The following SRPRB variants were observed in gnomAD, a reference collection of about 807,000 sequenced individuals.
The protein encoded by SRPRB is SRP receptor subunit beta.
A neutral mutation model predicts 31.9 loss-of-function variants in SRPRB; 20 were observed. The ratio of observed to expected loss-of-function variants is 0.63; its 90% CI spans 0.44 to 0.91. The LOEUF is 0.91. SRPRB is among the 40% of genes least tolerant of loss of function. SRPRB has a pLI of 0.00. For missense variants in SRPRB, 321 were observed against 324.9 expected (o/e 0.99, Z 0.09); for synonymous variants, 146 against 132.8 (o/e 1.10, Z -0.68).
Position 133,819,959 on chromosome 3 carries a change from G to A in SRPRB, c.*193G>A. The A allele has an allele frequency of 1.8e-6, 1 of 568,286 alleles. No homozygotes were observed. The allele number at this position is 568,286 out of a possible 1,614,324, so 35.2% of individuals were successfully genotyped here. A position where few individuals can be genotyped will look rare whatever the true frequency, so the allele number is the denominator to read the frequency against. On this transcript the variant is annotated 3_prime_UTR_variant, in exon 7 of 7. Transcript: ENST00000678299. The stretch of plus-strand genomic sequence containing the variant: ...TTTTTAAGTTCAGTTCTCCCTTATG[G>A]CTGCCTTTCAAACAAGTACCTTTTA...
intron 1 of SRPRB, among the ~76,000 whole-genome samples, chr3:133,799,135 G>C (rs1300831231): frequency 1.3e-5 from 2 of 152,188 alleles, no homozygotes; most frequent in African/African-American, 4.8e-5. Flanking sequence ...ACTCTAGATT[G>C]GAGAAATCTT....
At chr3:133,810,097 T>C (rs1183024677) in intron 3 of SRPRB, among the ~76,000 whole-genome samples, 1 of 152,246 alleles carries the variant, frequency 6.6e-6, no homozygotes, top group East Asian at 1.9e-4. Flanking sequence ...TGTGGTATAG[T>C]GCTGCTTTTG....
Position 133,806,739 on chromosome 3 carries a change from T to C in SRPRB, c.249+36T>C, listed in dbSNP as rs923944310. ...TCATTGACACCCCTGTTAAGCTTAATAGAAAATTTTATAGATCCCAGTATT... is the reference window on the plus strand; with the variant it reads ...TCATTGACACCCCTGTTAAGCTTAACAGAAAATTTTATAGATCCCAGTATT... On this transcript the variant is annotated intron_variant, in intron 2 of 6. Transcript: ENST00000678299. The C allele has an allele frequency of 6.0e-6, 9 of 1,500,428 alleles. No individual in the cohort carries two copies. In the African/African-American group the frequency reaches 1.1e-4, roughly 18 times the overall value. 92.9% of individuals were successfully genotyped at this position (1,500,428 alleles called of 1,614,324 possible). A position where few individuals can be genotyped will look rare whatever the true frequency, so the allele number is the denominator to read the frequency against.
In SRPRB at chr3:133,805,898, G is replaced by A. The variant is rs747654946; in HGVS notation, c.50G>A (p.Gly17Asp). 6.2e-7 allele frequency: 1 copy of A among 1,613,612 alleles called. No homozygotes were observed. Among genetic ancestry groups the A allele is most frequent in the South Asian group, 1.1e-5 (1 of 91,052 alleles). The change falls in exon 1 of 7, where the codon GGC (glycine) becomes GAC (aspartate). Residue 17 changes from glycine (G) to aspartate (D), a missense_variant. Physicochemically the swap from Gly to Asp is moderately conservative, Grantham distance 94. Transcript: ENST00000678299. ...RRVADGGGAG[G>D]TFQPYLDTLR... The stretch of plus-strand genomic sequence containing the variant: ...GTGGCAGATGGCGGCGGTGCCGGGG[G>A]CACCTTCCAGCCCTACCTAGACACC...
intron 3 of SRPRB, among the ~76,000 whole-genome samples, chr3:133,808,870 A>G (rs572574582): frequency 9.7e-4 from 143 of 147,892 alleles, no homozygotes; most frequent in Admixed American, 1.6e-3. Context: ...AGCCTGGGCA[A>G]TAGAGCGAGA....
chr3:133,806,694 C>T lies in SRPRB; in HGVS notation c.240C>T (p.Leu80=). 6.2e-7 allele frequency: 1 copy of T among 1,613,914 alleles called. No individual in the cohort carries two copies. ...TTTGTGATTCCGGGAAAACGTTGCTCTTTGTCAGGGTAAATGATTTCATTG... is the reference window on the plus strand; with the variant it reads ...TTTGTGATTCCGGGAAAACGTTGCTTTTTGTCAGGGTAAATGATTTCATTG... ...VGLCDSGKTL[L]FVRLLTGLYR... Residue 80 remains leucine (L), a synonymous_variant, in exon 2 of 7, where the codon CTC becomes CTT. Coordinates refer to ENST00000678299, the MANE Select transcript of SRPRB (RefSeq NM_001379313.1).
chr3:133,818,660 A>G (rs894430653), intron 6 of SRPRB, among the ~76,000 whole-genome samples: 1 of 152,210 alleles, frequency 6.6e-6, no homozygotes, highest in Non-Finnish European at 1.5e-5. Flanking sequence ...AAGCTTAAAA[A>G]ATATTAAAAT....
intron 1 of SRPRB, among the ~76,000 whole-genome samples, chr3:133,797,287 T>TA (rs1387702204): frequency 6.6e-6 from 1 of 152,232 alleles, no homozygotes; most frequent in Non-Finnish European, 1.5e-5. Context: ...GTAGAATTGT[T>TA]AAAATCCCCC....
At chr3:133,795,095 A>AC (rs1210901467) in intron 1 of SRPRB, 3 of 152,262 alleles carry the variant, frequency 2.0e-5, no homozygotes, top group South Asian at 2.1e-4. Context: ...ACAGAAGAGT[A>AC]TCTGTGCAGC....
chr3:133,813,829 G>C (rs6809130), intron 4 of SRPRB, among the ~76,000 whole-genome samples: 8,277 of 152,274 alleles, frequency 0.054, 724 homozygotes, highest in African/African-American at 0.19. Context: ...TCCATAAGCG[G>C]TTCATAGTTC....
intron 3 of SRPRB, among the ~76,000 whole-genome samples, chr3:133,809,461 GT>G (rs1399117838): frequency 1.3e-5 from 2 of 151,672 alleles, no homozygotes; most frequent in Admixed American, 1.3e-4. Context: ...AAAGGGACAT[GT>G]TTTTAAATAT....
chr3:133,805,803 C>T (rs749676606), upstream of SRPRB: 4 of 1,572,340 alleles, frequency 2.5e-6, no homozygotes, highest in Non-Finnish European at 3.4e-6. Flanking sequence ...GCGCAGAGTG[C>T]AGGGCCACGT....
intron 1 of SRPRB, chr3:133,796,008 A>C (rs1934960430): frequency 1.3e-5 from 2 of 152,266 alleles, no homozygotes; most frequent in African/African-American, 4.8e-5. Flanking sequence ...AAACACATAG[A>C]TCCTAGAACA....
chr3:133,823,261 G>GTTT (rs979392862), downstream of SRPRB, among the ~76,000 whole-genome samples: 1 of 152,112 alleles, frequency 6.6e-6, no homozygotes, highest in East Asian at 1.9e-4. Context: ...TGTTTCAAGG[G>GTTT]TTTTTTTGTT....
chr3:133,811,318 AGGTGACCTTGG>A (rs1249948635), intron 4 of SRPRB, 119 bp downstream of exon 4: 1 of 1,005,804 alleles, frequency 9.9e-7, no homozygotes, highest in Non-Finnish European at 1.5e-6. Flanking sequence ...GTAGACCTTG[AGGTGACCTTGG>A]GGTCAGCCAG....
In SRPRB at chr3:133,806,436, C is replaced by T. The variant is rs573453076; in HGVS notation, c.155-173C>T. The stretch of plus-strand genomic sequence containing the variant: ...AAAGAAAAGTTGACAGTTGACAGTG[C>T]CTGGCTCTCAGTGGATCCCTAACAA... On this transcript the variant is annotated intron_variant, in intron 1 of 6. Coordinates refer to ENST00000678299, the MANE Select transcript of SRPRB (RefSeq NM_001379313.1). 1.7e-5 allele frequency: 10 copies of T among 580,288 alleles called. No homozygotes were observed. In the Admixed American group the frequency reaches 1.8e-4, roughly 10 times the overall value. The allele number at this position is 580,288 out of a possible 1,614,324, so 35.9% of individuals were successfully genotyped here. A position where few individuals can be genotyped will look rare whatever the true frequency, so the allele number is the denominator to read the frequency against.
At chr3:133,785,310 C>T in intron 1 of SRPRB, 1 of 112,194 alleles carries the variant, frequency 8.9e-6, no homozygotes, top group Non-Finnish European at 1.9e-5. Flanking sequence ...GGGGGGTCGG[C>T]CCCCCGCCCG....
Position 133,798,976 on chromosome 3 carries a change from A to T in SRPRB, c.-173-6700A>T, listed in dbSNP as rs372440725. Among the ~76,000 whole-genome samples, 7 of 152,318 alleles carry T rather than the reference A, an allele frequency of 4.6e-5. No individual in the cohort carries two copies. The East Asian group carries it at 1.3e-3, about 29-fold the overall frequency. ...GATAACACACATAGAGCCAACACAC[A>T]TCTAAAATTTGAAGCAACTCACTCA... On this transcript the variant is annotated intron_variant, in intron 1 of 7. Transcript: ENST00000466490.
intron 2 of SRPRB, among the ~76,000 whole-genome samples, chr3:133,807,054 G>A (rs143267549): frequency 2.9e-4 from 44 of 152,136 alleles, no homozygotes; most frequent in African/African-American, 9.4e-4. Context: ...ACAGTTTATC[G>A]AAGACACTTT....
Sources: gnomAD v4.1 joint callset for allele counts (sites outside exome capture counted in the v4.1 genomes callset) on GRCh38, gnomAD v4.1.1 for gene constraint, MANE v1.5 for transcripts, NCBI Gene and HGNC (gene_info 2026-07-23, HGNC 2026-07-21) for gene names.